Variants in MEI4 observed in about 807,000 individuals in gnomAD.
MEI4 encodes the protein meiotic double-stranded break formation protein 4, also known as meiosis-specific protein MEI4.
MEI4 carries 27 observed loss-of-function variants against 31.4 expected under a neutral mutation model. That is an observed-to-expected ratio of 0.86 (90% CI 0.63 to 1.19). MEI4 has a LOEUF of 1.19. Among genes scored for constraint, MEI4 ranks in the 50% most tolerant of loss-of-function variants. The pLI is 0.00. For synonymous variants in MEI4, 122 were observed against 145.4 expected, an observed-to-expected ratio of 0.84 and a Z score of 1.16; for missense variants, 329 against 398.9, an observed-to-expected ratio of 0.82 and a Z score of 1.49.
In MEI4 at chr6:77,817,220, T is replaced by C. The variant is rs138001695; in HGVS notation, c.769-11711T>C. 1.4e-3 allele frequency among the ~76,000 whole-genome samples: 213 copies of C among 152,256 alleles called. 1 individual carries two copies. Among genetic ancestry groups the C allele is most frequent in the African/African-American group, 4.5e-3 (187 of 41,542 alleles). On this transcript the variant is annotated intron_variant, in intron 3 of 4. Transcript: ENST00000684080. ...ACTTTATAGGTTAGGTTCAAATAAG[T>C]CCCTGGAAAGCAGAAACTTGGTTGA...
upstream of MEI4, among the ~76,000 whole-genome samples, chr6:77,650,726 A>G (rs1768285301): frequency 6.6e-6 from 1 of 152,202 alleles, no homozygotes; most frequent in South Asian, 2.1e-4. Flanking sequence ...GGAGCTCCGC[A>G]CACGTTTGGA....
intron 2 of MEI4, among the ~76,000 whole-genome samples, chr6:77,746,638 CGTGTGT>C (rs5877568): frequency 0.041 from 5,583 of 136,506 alleles, 311 homozygotes; most frequent in African/African-American, 0.13. Flanking sequence ...AAATATATGG[CGTGTGT>C]GTGTGTGTGT....
intron 4 of MEI4, among the ~76,000 whole-genome samples, chr6:77,901,827 G>A (rs1171503416): frequency 6.6e-6 from 1 of 151,918 alleles, no homozygotes; most frequent in Non-Finnish European, 1.5e-5. Flanking sequence ...TTATGTAGCA[G>A]TTTTACAGTT....
chr6:77,791,560 T>C (rs372859320), intron 3 of MEI4, among the ~76,000 whole-genome samples: 2 of 145,866 alleles, frequency 1.4e-5, no homozygotes, highest in Non-Finnish European at 3.0e-5. Context: ...AGGGATAGCA[T>C]TGGGAGATAT....
intron 4 of MEI4, among the ~76,000 whole-genome samples, chr6:77,848,885 A>G (rs1770547573): frequency 6.6e-6 from 1 of 152,150 alleles, no homozygotes; most frequent in Admixed American, 6.6e-5. Flanking sequence ...TGTGATATTT[A>G]TTGAGTTCTT....
At chr6:77,794,558 T>C (rs1247795920) in intron 3 of MEI4, among the ~76,000 whole-genome samples, 1 of 152,002 alleles carries the variant, frequency 6.6e-6, no homozygotes, top group Non-Finnish European at 1.5e-5. Flanking sequence ...TGAGACTCTG[T>C]CTCAAAACAA....
intron 3 of MEI4, among the ~76,000 whole-genome samples, chr6:77,780,566 T>C (rs1450551790): frequency 6.6e-6 from 1 of 152,164 alleles, no homozygotes; most frequent in African/African-American, 2.4e-5. Context: ...GCAATGCAGC[T>C]GTTGGCACAG....
intron 1 of MEI4, among the ~76,000 whole-genome samples, chr6:77,679,865 C>T (rs1435475779): frequency 1.3e-5 from 2 of 151,122 alleles, no homozygotes; most frequent in African/African-American, 4.9e-5. Flanking sequence ...CTCAACCTCC[C>T]GAGTAGCTGG....
intron 2 of MEI4, among the ~76,000 whole-genome samples, chr6:77,711,364 A>G (rs1766462390): frequency 6.6e-6 from 1 of 152,048 alleles, no homozygotes; most frequent in South Asian, 2.1e-4. Flanking sequence ...ATATATATGT[A>G]TATATAACAC....
chr6:77,659,250 G>T (rs1768456084), intron 1 of MEI4, among the ~76,000 whole-genome samples: 1 of 152,114 alleles, frequency 6.6e-6, no homozygotes, highest in South Asian at 2.1e-4. Context: ...GGGGAACAGG[G>T]AGCTCTTCGG....
intron 1 of MEI4, among the ~76,000 whole-genome samples, chr6:77,666,391 G>A (rs1260216417): frequency 3.9e-5 from 6 of 152,250 alleles, no homozygotes; most frequent in Admixed American, 1.3e-4. Context: ...GGATGTATAC[G>A]TGCAAGTCAC....
chr6:77,658,033 G>A (rs969159295), intron 1 of MEI4, among the ~76,000 whole-genome samples: 1 of 152,224 alleles, frequency 6.6e-6, no homozygotes, highest in Non-Finnish European at 1.5e-5. Flanking sequence ...ATGCGTGTCC[G>A]TGTGAAGAGA....
intron 1 of MEI4, among the ~76,000 whole-genome samples, chr6:77,669,294 T>C (rs1768694573): frequency 6.6e-6 from 1 of 152,150 alleles, no homozygotes; most frequent in Admixed American, 6.5e-5. Flanking sequence ...AGATGAAGAT[T>C]GTTAAATATT....
chr6:77,735,066 C>G (rs1033459243), intron 2 of MEI4, among the ~76,000 whole-genome samples: 1 of 152,000 alleles, frequency 6.6e-6, no homozygotes, highest in African/African-American at 2.4e-5. Context: ...CTGCCCTTAA[C>G]GTTTTTTCCT....
intron 4 of MEI4, among the ~76,000 whole-genome samples, chr6:77,922,633 A>G: frequency 1.3e-5 from 2 of 151,698 alleles, no homozygotes; most frequent in East Asian, 3.9e-4. Context: ...CCCTGAGTTG[A>G]GTTGTATCAG....
chr6:77,675,729 A>G (rs1481250793), intron 1 of MEI4, among the ~76,000 whole-genome samples: 1 of 152,100 alleles, frequency 6.6e-6, no homozygotes, highest in African/African-American at 2.4e-5. Context: ...TAGATATAAC[A>G]TCAATTTTCA....
intron 3 of MEI4, among the ~76,000 whole-genome samples, chr6:77,795,013 T>TA (rs1769038846): frequency 6.6e-6 from 1 of 151,996 alleles, no homozygotes; most frequent in African/African-American, 2.4e-5. Flanking sequence ...AAAGCAAAAA[T>TA]ATATTAAGAT....
chr6:77,714,901 C>T (rs1346390831), intron 2 of MEI4, among the ~76,000 whole-genome samples: 4 of 152,166 alleles, frequency 2.6e-5, no homozygotes, highest in Non-Finnish European at 5.9e-5. Flanking sequence ...GACCCTCTAG[C>T]GTATCACCTG....
At chr6:77,728,168 G>C (rs1205434875) in intron 2 of MEI4, among the ~76,000 whole-genome samples, 1 of 152,032 alleles carries the variant, frequency 6.6e-6, no homozygotes, top group Admixed American at 6.6e-5. Flanking sequence ...TGATTATATA[G>C]GTAACTGAAA....
Sources: gnomAD v4.1 joint callset for allele counts (sites outside exome capture counted in the v4.1 genomes callset) on GRCh38, gnomAD v4.1.1 for gene constraint, MANE v1.5 for transcripts, NCBI Gene and HGNC (gene_info 2026-07-23, HGNC 2026-07-21) for gene names.